NRXN3: variants seen among roughly 807,000 people sequenced by gnomAD.
NRXN3 encodes neurexin III.
NRXN3 carries 32 observed loss-of-function variants against 137.6 expected under a neutral mutation model. The observed-to-expected ratio is 0.23, with a 90% CI of 0.18 to 0.31. NRXN3 has a LOEUF of 0.31. NRXN3 is among the 10% of genes least tolerant of loss of function. The pLI is 1.00. For synonymous variants in NRXN3, 798 were observed against 784.5 expected, an observed-to-expected ratio of 1.02 and a Z score of -0.29; for missense variants, 1,574 against 2,062.5, an observed-to-expected ratio of 0.76 and a Z score of 4.59.
At chr14:79,371,998 C>T (rs2094124818) in intron 15 of NRXN3, among the ~76,000 whole-genome samples, 1 of 152,158 alleles carries the variant, frequency 6.6e-6, no homozygotes, top group Non-Finnish European at 1.5e-5. Context: ...AATATCTTTT[C>T]TCACTTTACT....
chr14:78,630,690 C>T (rs970118683), intron 4 of NRXN3, among the ~76,000 whole-genome samples: 5 of 151,794 alleles, frequency 3.3e-5, no homozygotes, highest in African/African-American at 1.2e-4. Context: ...CGGCAAGCTC[C>T]GCCTCCTGGG....
At chr14:78,394,515 G>A (rs1472583219) in intron 4 of NRXN3, among the ~76,000 whole-genome samples, 4 of 151,718 alleles carry the variant, frequency 2.6e-5, no homozygotes, top group Admixed American at 2.0e-4. Context: ...ATTTATAAAG[G>A]ATATTGATGT....
chr14:78,891,477 G>T (rs528055215), intron 10 of NRXN3, among the ~76,000 whole-genome samples: 4 of 151,804 alleles, frequency 2.6e-5, no homozygotes, highest in African/African-American at 9.7e-5. Context: ...CTACAGTGAC[G>T]TCAGGGAGCT....
chr14:78,375,205 G>A (rs940210492), intron 4 of NRXN3, among the ~76,000 whole-genome samples: 11 of 152,104 alleles, frequency 7.2e-5, no homozygotes, highest in African/African-American at 2.4e-4. Context: ...TCACTCTTTC[G>A]CTGTTAAAGT....
intron 4 of NRXN3, among the ~76,000 whole-genome samples, chr14:78,579,273 T>C (rs1017291926): frequency 2.0e-5 from 3 of 152,218 alleles, no homozygotes; most frequent in Non-Finnish European, 4.4e-5. Flanking sequence ...TGCTTCTTGA[T>C]GGCAAAGTGC....
At chr14:78,170,934 G>GATTTTT (rs1424381563) in intron 1 of NRXN3, among the ~76,000 whole-genome samples, 1 of 143,346 alleles carries the variant, frequency 7.0e-6, no homozygotes, top group African/African-American at 2.6e-5. Context: ...GAATGTTTTA[G>GATTTTT]ATTTTTATCT....
rs558284799 is a variant in NRXN3, at chr14:79,645,614, CAA to C, written c.3445-18149_3445-18148del. Among the ~76,000 whole-genome samples, 150 of 89,566 alleles carry C rather than the reference CAA, an allele frequency of 1.7e-3. 6 individuals carry two copies. Among genetic ancestry groups the C allele is most frequent in the Middle Eastern group, 5.6e-3 (1 of 178 alleles). The allele number at this position is 89,566 out of a possible 152,430, so 58.8% of individuals were successfully genotyped here. A position where few individuals can be genotyped will look rare whatever the true frequency, so the allele number is the denominator to read the frequency against. On this transcript the variant is annotated intron_variant, in intron 16 of 20. Transcript: ENST00000335750. ...TGGGTGACAGAATGAGACTCTGTCTCAAAAAAAAAAAAAAAAGTTTTTTTCGT... is the reference window on the plus strand; with the variant it reads ...TGGGTGACAGAATGAGACTCTGTCTCAAAAAAAAAAAAAAGTTTTTTTCGT...
At chr14:78,689,746 C>T (rs1394919571) in intron 6 of NRXN3, among the ~76,000 whole-genome samples, 1 of 151,982 alleles carries the variant, frequency 6.6e-6, no homozygotes, top group Middle Eastern at 3.2e-3. Context: ...GAATAATGTA[C>T]TATTATTGAC....
intron 16 of NRXN3, among the ~76,000 whole-genome samples, chr14:79,552,548 A>G (rs1436739900): frequency 6.6e-6 from 1 of 152,098 alleles, no homozygotes; most frequent in East Asian, 1.9e-4. Context: ...AGATGTGCAC[A>G]GGATCCACAC....
At chr14:79,334,080 A>T (rs2092034615) in intron 15 of NRXN3, among the ~76,000 whole-genome samples, 1 of 152,212 alleles carries the variant, frequency 6.6e-6, no homozygotes, top group African/African-American at 2.4e-5. Flanking sequence ...ACAGGTACTT[A>T]CTGAATGCCT....
At chr14:78,319,959 A>T (rs1433590670) in intron 4 of NRXN3, among the ~76,000 whole-genome samples, 1 of 152,230 alleles carries the variant, frequency 6.6e-6, no homozygotes, top group African/African-American at 2.4e-5. Flanking sequence ...AGGGAGGAAG[A>T]AAAAAGCTTG....
intron 15 of NRXN3, among the ~76,000 whole-genome samples, chr14:79,204,311 G>A (rs1413588830): frequency 6.6e-6 from 1 of 151,480 alleles, no homozygotes; most frequent in Non-Finnish European, 1.5e-5. Context: ...GCTTGGTTTT[G>A]TCTTTCTTTA....
chr14:78,974,137 A>G (rs1486236917), intron 14 of NRXN3, among the ~76,000 whole-genome samples: 1 of 152,184 alleles, frequency 6.6e-6, no homozygotes, highest in Non-Finnish European at 1.5e-5. Flanking sequence ...GTTTCAAAGT[A>G]TAGAGGGCCC....
At chr14:78,201,623 G>A (rs1184565477) in intron 1 of NRXN3, among the ~76,000 whole-genome samples, 2 of 152,192 alleles carry the variant, frequency 1.3e-5, no homozygotes, top group East Asian at 1.9e-4. Context: ...GGACTTCTAC[G>A]TCAGAGTGAG....
At chr14:79,385,026 TTTGA>T (rs911544675) in intron 15 of NRXN3, among the ~76,000 whole-genome samples, 1 of 152,192 alleles carries the variant, frequency 6.6e-6, no homozygotes, top group African/African-American at 2.4e-5. Flanking sequence ...AGTTTAAGAC[TTTGA>T]TTATGATAAC....
intron 15 of NRXN3, chr14:79,279,369 C>T: frequency 1.0e-6 from 1 of 986,010 alleles, no homozygotes; most frequent in Non-Finnish European, 1.2e-6. Context: ...AATTTGGCTC[C>T]CCAACTCCTC....
intron 15 of NRXN3, among the ~76,000 whole-genome samples, chr14:79,374,182 A>G (rs2094193393): frequency 6.6e-6 from 1 of 152,164 alleles, no homozygotes; most frequent in African/African-American, 2.4e-5. Flanking sequence ...ATGGCACTCA[A>G]AACATTTTAT....
At chr14:79,662,310 A>G (rs1019545018) in intron 16 of NRXN3, among the ~76,000 whole-genome samples, 1 of 152,158 alleles carries the variant, frequency 6.6e-6, no homozygotes, top group African/African-American at 2.4e-5. Flanking sequence ...GTCCTTACAC[A>G]TGCCTCCAAC....
intron 4 of NRXN3, among the ~76,000 whole-genome samples, chr14:78,462,926 G>A (rs1446165765): frequency 6.6e-6 from 1 of 152,104 alleles, no homozygotes; most frequent in Non-Finnish European, 1.5e-5. Flanking sequence ...AGTGAGGTCT[G>A]GGCTTTTAGT....
Sources: gnomAD v4.1 joint callset for allele counts (sites outside exome capture counted in the v4.1 genomes callset) on GRCh38, gnomAD v4.1.1 for gene constraint, MANE v1.5 for transcripts, NCBI Gene and HGNC (gene_info 2026-07-23, HGNC 2026-07-21) for gene names.